The following ZFYVE9 variants were observed in gnomAD, a reference collection of about 807,000 sequenced individuals.
The protein encoded by ZFYVE9 is zinc finger FYVE domain-containing protein 9.
A neutral mutation model predicts 126.7 loss-of-function variants in ZFYVE9; 43 were observed. The ratio of observed to expected loss-of-function variants is 0.34; its 90% CI spans 0.27 to 0.44. The LOEUF (loss-of-function observed/expected upper bound fraction) is 0.44, where lower values mean the gene tolerates loss of function less well. ZFYVE9 is among the 20% of genes least tolerant of loss of function. ZFYVE9 has a pLI of 1.00. For synonymous variants in ZFYVE9, 521 were observed against 597.4 expected, an observed-to-expected ratio of 0.87 and a Z score of 1.87; for missense variants, 1,476 against 1,697.0, an observed-to-expected ratio of 0.87 and a Z score of 2.29.
chr1:52,289,630 T>G (rs1645898207), intron 10 of ZFYVE9, among the ~76,000 whole-genome samples: 1 of 152,350 alleles, frequency 6.6e-6, no homozygotes, highest in South Asian at 2.1e-4. Context: ...AGCTTCAGAT[T>G]AGGTCTTCAG....
At chr1:52,316,568 T>G (rs1429177234) in intron 13 of ZFYVE9, among the ~76,000 whole-genome samples, 2 of 152,096 alleles carry the variant, frequency 1.3e-5, no homozygotes, top group African/African-American at 4.8e-5. Flanking sequence ...ATATCTAGGT[T>G]ATTTCAGAAC....
At chr1:52,216,641 A>C (rs762558460) in intron 2 of ZFYVE9, among the ~76,000 whole-genome samples, 167 bp downstream of exon 2, 1 of 152,234 alleles carries the variant, frequency 6.6e-6, no homozygotes. Flanking sequence ...ATTCAGAGGA[A>C]AAGGGTATTT....
chr1:52,256,699 A>G lies in ZFYVE9; in HGVS notation c.2179-7074A>G, dbSNP rs565426577. On this transcript the variant is annotated intron_variant, in intron 4 of 18. Coordinates refer to ENST00000287727, the MANE Select transcript of ZFYVE9 (RefSeq NM_004799.4). ...ACTCTGATAATTATTATTGTTTTCT[A>G]TTAATAACAGTGAAGTTTAAACAGG... Among the ~76,000 whole-genome samples the G allele has an allele frequency of 5.8e-5, 8 of 136,988 alleles. No individual in the cohort carries two copies. The South Asian group carries it at 1.4e-3, about 24-fold the overall frequency. 89.9% of individuals were successfully genotyped at this position (136,988 alleles called of 152,430 possible).
At chr1:52,236,255 A>G (rs988141843) in intron 3 of ZFYVE9, among the ~76,000 whole-genome samples, 1 of 152,118 alleles carries the variant, frequency 6.6e-6, no homozygotes, top group Non-Finnish European at 1.5e-5. Context: ...TGTATGTTCT[A>G]CCTATCAGGC....
At chr1:52,175,519 T>A (rs1264459926) in intron 1 of ZFYVE9, among the ~76,000 whole-genome samples, 1 of 150,232 alleles carries the variant, frequency 6.7e-6, no homozygotes, top group South Asian at 2.2e-4. Flanking sequence ...CTTTGTGGCG[T>A]TCTCTGTATT....
chr1:52,346,336 GGGAATAGGGTGGGAGT>G lies in ZFYVE9; in HGVS notation c.*118_*133del. On this transcript the variant is annotated 3_prime_UTR_variant, in exon 19 of 19. Transcript: ENST00000287727. ...TTTTGTTAACACTATTAATGGGGTG[GGGAATAGGGTGGGAGT>G]GGGGGTTTGGGAGACGGGTGGGAAA... 9.0e-7 allele frequency: 1 copy of G among 1,109,898 alleles called. No individual in the cohort carries two copies. The highest frequency in any genetic ancestry group is 1.2e-6 in the Non-Finnish European group (1 of 812,778). The allele number at this position is 1,109,898 out of a possible 1,614,324, so 68.8% of individuals were successfully genotyped here. A position where few individuals can be genotyped will look rare whatever the true frequency, so the allele number is the denominator to read the frequency against.
intron 1 of ZFYVE9, among the ~76,000 whole-genome samples, chr1:52,186,224 A>AGC (rs1644763826): frequency 6.7e-6 from 1 of 150,098 alleles, no homozygotes; most frequent in African/African-American, 2.5e-5. Flanking sequence ...TGGGTGACAG[A>AGC]GCGAGACTCT....
At position 52,237,925 on chromosome 1, in the gene ZFYVE9, A is replaced by G. The variant is rs1467501084; in HGVS notation, c.508A>G (p.Asn170Asp). ...ATTACAAAACGATTTACAGGATTGTAATAATTATAATAGTCAATCCCTTAT... is the reference window on the plus strand; with the variant it reads ...ATTACAAAACGATTTACAGGATTGTGATAATTATAATAGTCAATCCCTTAT... The part of the protein sequence containing the change: ...RTLQNDLQDC[N>D]NYNSQSLMDA... Residue 170 changes from asparagine (N) to aspartate (D), a missense_variant, in exon 4 of 19, where the codon AAT becomes GAT. Transcript: ENST00000287727. 1 of 1,614,050 alleles carries G rather than the reference A, an allele frequency of 6.2e-7. No individual in the cohort carries two copies. Among genetic ancestry groups the G allele is most frequent in the Non-Finnish European group, 8.5e-7 (1 of 1,179,944 alleles).
chr1:52,237,694 G>A lies in ZFYVE9; in HGVS notation c.277G>A (p.Asp93Asn). The change falls in exon 4 of 19, where the codon GAC becomes AAC. Residue 93 changes from aspartate to asparagine, a missense_variant. Physicochemically the swap from Asp to Asn is conservative, Grantham distance 23 (BLOSUM62 1). This residue lies in a region of ZFYVE9 where 807 missense variants were observed against 794.6 expected (regional missense o/e 1.02). Transcript: ENST00000287727. ...AGAGGATCACTGTGCTAATGGACAG[G>A]ACTGTAATCTAAATCCAGAGATTGC... ...EEEDHCANGQ[D>N]CNLNPEIATM... 6.2e-7 allele frequency: 1 copy of A among 1,614,082 alleles called. No homozygotes were observed. The highest frequency in any genetic ancestry group is 8.5e-7 in the Non-Finnish European group (1 of 1,179,960).
At chr1:52,213,020 A>G (rs1474771353) in intron 1 of ZFYVE9, among the ~76,000 whole-genome samples, 1 of 152,220 alleles carries the variant, frequency 6.6e-6, no homozygotes, top group Non-Finnish European at 1.5e-5. Context: ...CTATCCATTT[A>G]CTAAACTTCT....
intron 1 of ZFYVE9, among the ~76,000 whole-genome samples, chr1:52,161,991 A>G (rs571754267): frequency 2.0e-3 from 301 of 152,132 alleles, no homozygotes; most frequent in African/African-American, 7.0e-3. Context: ...TATACTCAAG[A>G]TGTTTACTCA....
At chr1:52,223,371 T>A (rs1645141956) in intron 2 of ZFYVE9, among the ~76,000 whole-genome samples, 1 of 152,176 alleles carries the variant, frequency 6.6e-6, no homozygotes, top group South Asian at 2.1e-4. Flanking sequence ...CAAGTTCTAT[T>A]CTCCTGGGCT....
intron 1 of ZFYVE9, among the ~76,000 whole-genome samples, chr1:52,192,927 T>G (rs754597560): frequency 7.2e-5 from 11 of 152,184 alleles, no homozygotes; most frequent in Non-Finnish European, 1.6e-4. Flanking sequence ...AATCTTTGAG[T>G]ACTTTCTAAA....
chr1:52,295,839 T>C, intron 11 of ZFYVE9, 56 bp from the exon 12 acceptor site: 1 of 1,447,210 alleles, frequency 6.9e-7, no homozygotes, highest in Non-Finnish European at 9.6e-7. Context: ...ATGAAATCTC[T>C]TTTACCAAAG....
intron 17 of ZFYVE9, among the ~76,000 whole-genome samples, chr1:52,341,865 G>A (rs760113933): frequency 6.6e-6 from 1 of 152,136 alleles, no homozygotes; most frequent in Non-Finnish European, 1.5e-5. Context: ...GTAATGATTC[G>A]TCCCTTTGAC....
chr1:52,198,248 A>G (rs1644883683), intron 1 of ZFYVE9, among the ~76,000 whole-genome samples: 1 of 148,930 alleles, frequency 6.7e-6, no homozygotes, highest in Non-Finnish European at 1.5e-5. Flanking sequence ...CAGCCTCCAC[A>G]GTAGCTAGGA....
At chr1:52,318,155 T>C (rs1006468290) in intron 13 of ZFYVE9, among the ~76,000 whole-genome samples, 3 of 152,178 alleles carry the variant, frequency 2.0e-5, no homozygotes, top group Admixed American at 6.5e-5. Flanking sequence ...AACAAATTTT[T>C]AGTAAATCCA....
chr1:52,227,467 C>T (rs1025202515), intron 2 of ZFYVE9, among the ~76,000 whole-genome samples: 2 of 152,246 alleles, frequency 1.3e-5, no homozygotes, highest in Non-Finnish European at 2.9e-5. Flanking sequence ...TGTGATGTCA[C>T]AGTCCAATCA....
At chr1:52,219,177 A>G (rs114561518) in intron 2 of ZFYVE9, among the ~76,000 whole-genome samples, 159 of 152,156 alleles carry the variant, frequency 1.0e-3, no homozygotes, top group African/African-American at 3.7e-3. Flanking sequence ...GGGCAGAGGT[A>G]CTTTTCTGAA....
Sources: gnomAD v4.1 joint callset for allele counts (sites outside exome capture counted in the v4.1 genomes callset) on GRCh38, gnomAD v4.1.1 for gene constraint, gnomAD v4.1.1 regional missense constraint, MANE v1.5 for transcripts, NCBI Gene and HGNC (gene_info 2026-07-23, HGNC 2026-07-21) for gene names.